Variants in ZNF362 observed in about 807,000 individuals in gnomAD.
ZNF362 encodes zinc finger protein 362.
ZNF362 carries 11 observed loss-of-function variants against 42.9 expected under a neutral mutation model. The ratio of observed to expected loss-of-function variants is 0.26; its 90% CI spans 0.16 to 0.42. The LOEUF (loss-of-function observed/expected upper bound fraction) is 0.42, where lower values mean the gene tolerates loss of function less well. Among genes scored for constraint, ZNF362 ranks in the 20% least tolerant of loss-of-function variants. The pLI is 1.00. For missense variants in ZNF362, 362 were observed against 576.2 expected (o/e 0.63, Z 3.81); for synonymous variants, 255 against 257.3 (o/e 0.99, Z 0.09).
chr1:33,236,351 A>G, the ZNF362 span, among the ~76,000 whole-genome samples: 2 of 150,294 alleles, frequency 1.3e-5, no homozygotes, highest in Non-Finnish European at 3.0e-5. Flanking sequence ...ACCAGCCAGG[A>G]CAACATAGTG....
At chr1:33,180,984 G>A in the ZNF362 span, 6 of 1,072,410 alleles carry the variant, frequency 5.6e-6, no homozygotes, top group African/African-American at 4.6e-5. Flanking sequence ...CCCACCTCCA[G>A]CCCGGCCCCG....
the ZNF362 span, among the ~76,000 whole-genome samples, chr1:33,244,913 C>T: frequency 4.3e-4 from 65 of 152,330 alleles, no homozygotes; most frequent in East Asian, 5.0e-3. The surrounding 1 kb of genome is among the most constrained non-coding windows in gnomAD (Gnocchi z 4.0). Flanking sequence ...CTCATTTTAT[C>T]AGCCTTGGGA....
chr1:33,182,463 C>T, the ZNF362 span, among the ~76,000 whole-genome samples: 41 of 152,124 alleles, frequency 2.7e-4, no homozygotes, highest in Non-Finnish European at 1.5e-4. Context: ...AGTTCAAGGC[C>T]CTCACACTCC....
At chr1:33,238,363 T>TAAAATAAAATAAAATAA in the ZNF362 span, among the ~76,000 whole-genome samples, 1 of 71,714 alleles carries the variant, frequency 1.4e-5, no homozygotes, top group Non-Finnish European at 2.8e-5. Flanking sequence ...TAAAATAAAA[T>TAAAATAAAATAAAATAA]AATAAAATAA....
At chr1:33,131,384 C>T in the ZNF362 span, among the ~76,000 whole-genome samples, 2 of 152,164 alleles carry the variant, frequency 1.3e-5, no homozygotes, top group Non-Finnish European at 2.9e-5. Context: ...TTTAGCCACT[C>T]CTGCAGGGCT....
intron 1 of ZNF362, among the ~76,000 whole-genome samples, chr1:33,264,000 TGGCCTGCTTGG>T (rs1645847055): frequency 6.6e-6 from 1 of 152,194 alleles, no homozygotes; most frequent in Non-Finnish European, 1.5e-5. Flanking sequence ...TTTGCTGCTG[TGGCCTGCTTGG>T]GGCCTGCTCT....
At chr1:33,215,563 C>T in the ZNF362 span, among the ~76,000 whole-genome samples, 1 of 151,976 alleles carries the variant, frequency 6.6e-6, no homozygotes, top group African/African-American at 2.4e-5. Flanking sequence ...GCAATGGATA[C>T]CCTGATTACC....
intron 3 of ZNF362, 24 bp from the exon 4 acceptor site, chr1:33,276,324 C>T (rs1477698627): frequency 3.2e-6 from 5 of 1,543,470 alleles, no homozygotes; most frequent in East Asian, 4.9e-5. Context: ...CAGACCTCCT[C>T]AGCCCGTCCT....
In ZNF362 at chr1:33,282,093, C is replaced by G; in HGVS notation, c.908+282C>G. ...GGCCATCCCCTTGTCCTCTCTCAGT[C>G]TAGCTTCCTCCAGGAAGCCCTCCCT... On this transcript the variant is annotated intron_variant, in intron 6 of 8. Transcript: ENST00000539719. 3 of 461,182 alleles carry G rather than the reference C, an allele frequency of 6.5e-6. No homozygotes were observed. In the South Asian group the frequency reaches 7.5e-5, roughly 12 times the overall value. 28.6% of individuals were successfully genotyped at this position (461,182 alleles called of 1,614,324 possible). A position where few individuals can be genotyped will look rare whatever the true frequency, so the allele number is the denominator to read the frequency against.
chr1:33,136,179 CCTCT>C, the ZNF362 span, among the ~76,000 whole-genome samples: 2 of 146,542 alleles, frequency 1.4e-5, no homozygotes, highest in Non-Finnish European at 3.0e-5. Context: ...TCCTTCCCTC[CCTCT>C]CTCCCTCCCT....
chr1:33,230,159 T>A, the ZNF362 span, among the ~76,000 whole-genome samples: 2 of 152,228 alleles, frequency 1.3e-5, no homozygotes, highest in Non-Finnish European at 2.9e-5. Context: ...TTAAGCATGT[T>A]ATTTAACATT....
Position 33,276,174 on chromosome 1 carries a change from C to T in ZNF362, c.102+11C>T, listed in dbSNP as rs755609569. 9.9e-6 allele frequency: 16 copies of T among 1,612,910 alleles called. No homozygotes were observed. The Admixed American group carries it at 2.0e-4, about 20-fold the overall frequency. On this transcript the variant is annotated intron_variant, in intron 3 of 8. Transcript: ENST00000539719. ...ACCATGCCCAGCCAGGTAAGACTGA[C>T]GTCGCCCCTCCGGCTGCCCTACCCT...
At chr1:33,169,146 G>A in the ZNF362 span, among the ~76,000 whole-genome samples, 1 of 152,188 alleles carries the variant, frequency 6.6e-6, no homozygotes, top group African/African-American at 2.4e-5. Context: ...CACGAGGTGT[G>A]CATGTGTTGG....
chr1:33,147,403 G>A, the ZNF362 span: 12 of 1,614,060 alleles, frequency 7.4e-6, no homozygotes, highest in African/African-American at 5.3e-5. This position sits in a 1 kb window ranked among gnomAD's most constrained non-coding sequence, Gnocchi z 8.1. Flanking sequence ...CCAGGGCTCC[G>A]TGCAGGCGCT....
the ZNF362 span, among the ~76,000 whole-genome samples, chr1:33,243,835 C>T: frequency 3.3e-5 from 5 of 150,024 alleles, no homozygotes; most frequent in Middle Eastern, 7.0e-3. Flanking sequence ...GTCTCGATCT[C>T]CTGACCTCGT....
chr1:33,191,582 G>A, the ZNF362 span, among the ~76,000 whole-genome samples: 1 of 152,054 alleles, frequency 6.6e-6, no homozygotes, highest in Admixed American at 6.6e-5. Context: ...TTGGTTCACT[G>A]CAACCACTGC....
the ZNF362 span, among the ~76,000 whole-genome samples, chr1:33,145,120 C>T: frequency 6.6e-6 from 1 of 152,174 alleles, no homozygotes; most frequent in South Asian, 2.1e-4. Flanking sequence ...CTGCCTGCTC[C>T]CAAGACTACC....
chr1:33,140,267 G>C, the ZNF362 span, among the ~76,000 whole-genome samples: 1 of 152,236 alleles, frequency 6.6e-6, no homozygotes, highest in South Asian at 2.1e-4. The surrounding 1 kb of genome is among the most constrained non-coding windows in gnomAD (Gnocchi z 4.0). Flanking sequence ...ACGGAGCTGG[G>C]GTTTACCCAG....
chr1:33,272,524 A>T (rs1359927220), intron 2 of ZNF362, among the ~76,000 whole-genome samples: 1 of 152,080 alleles, frequency 6.6e-6, no homozygotes, highest in Non-Finnish European at 1.5e-5. Context: ...ACAAAATGAC[A>T]TTTGCTCCCC....
Sources: allele counts gnomAD v4.1 joint callset (sites outside exome capture counted in the v4.1 genomes callset), GRCh38; gene constraint gnomAD v4.1.1; non-coding constraint Gnocchi (gnomAD v3.1); transcripts MANE v1.5; gene names NCBI Gene and HGNC (gene_info 2026-07-23, HGNC 2026-07-21).